Variants in DOCK4 observed in about 807,000 individuals in gnomAD.
DOCK4 encodes the protein dedicator of cytokinesis protein 4.
In DOCK4, 97 loss-of-function variants were observed where a neutral mutation model predicts 268.1. The ratio of observed to expected loss-of-function variants is 0.36; its 90% CI spans 0.31 to 0.43. The LOEUF is 0.43. Ranked by LOEUF, DOCK4 falls within the 20% of genes least tolerant of loss-of-function variation. The probability of loss-of-function intolerance (pLI) is 1.00; values close to 1 mark genes in which losing one functional copy is unlikely to be tolerated. For missense variants in DOCK4, 2,145 were observed against 2,455.7 expected (o/e 0.87, Z 2.67); for synonymous variants, 954 against 887.2 (o/e 1.08, Z -1.34).
intron 1 of DOCK4, among the ~76,000 whole-genome samples, chr7:112,029,030 T>G (rs976637862): frequency 6.6e-6 from 1 of 152,256 alleles, no homozygotes; most frequent in Non-Finnish European, 1.5e-5. Context: ...GGTACAATTT[T>G]GAGTTTTTCT....
At chr7:112,194,837 A>G (rs1328346451) in intron 1 of DOCK4, among the ~76,000 whole-genome samples, 2 of 152,236 alleles carry the variant, frequency 1.3e-5, no homozygotes, top group Admixed American at 1.3e-4. Flanking sequence ...ACTCATTACA[A>G]TAATTTCTAC....
At chr7:112,141,336 C>A (rs562222327) in intron 1 of DOCK4, among the ~76,000 whole-genome samples, 1 of 152,310 alleles carries the variant, frequency 6.6e-6, no homozygotes, top group South Asian at 2.1e-4. Flanking sequence ...TATGTGTCAG[C>A]TTGGATAGAC....
chr7:112,103,814 G>A (rs1330595865), intron 1 of DOCK4, among the ~76,000 whole-genome samples: 1 of 152,124 alleles, frequency 6.6e-6, no homozygotes, highest in Non-Finnish European at 1.5e-5. Context: ...CCTGGGAGGC[G>A]AAGGTTGCAG....
At chr7:112,001,638 G>T (rs921371575) in intron 2 of DOCK4, among the ~76,000 whole-genome samples, 1 of 152,194 alleles carries the variant, frequency 6.6e-6, no homozygotes, top group Admixed American at 6.6e-5. Flanking sequence ...ATATGCTGAG[G>T]TTGCTAAAAT....
intron 12 of DOCK4, 147 bp from the exon 13 acceptor site, chr7:111,916,051 A>G: frequency 1.2e-6 from 1 of 838,980 alleles, no homozygotes. Flanking sequence ...ATCTATATGA[A>G]TCATATCTGA....
At chr7:111,999,964 T>C (rs1171731763) in intron 3 of DOCK4, among the ~76,000 whole-genome samples, 3 of 152,078 alleles carry the variant, frequency 2.0e-5, no homozygotes, top group African/African-American at 4.8e-5. Flanking sequence ...TGAGGATTTA[T>C]AGAAATGTAT....
chr7:111,813,492 T>C (rs1017119553), intron 27 of DOCK4, among the ~76,000 whole-genome samples: 16 of 152,116 alleles, frequency 1.1e-4, no homozygotes, highest in African/African-American at 3.9e-4. Context: ...AAGTTCAAGG[T>C]AATGAAAAGG....
intron 12 of DOCK4, among the ~76,000 whole-genome samples, chr7:111,930,094 A>C (rs954742209): frequency 6.6e-6 from 1 of 152,234 alleles, no homozygotes; most frequent in Non-Finnish European, 1.5e-5. Context: ...CACATTAATG[A>C]ATACTTTTAG....
At chr7:112,026,703 T>A (rs936492050) in intron 1 of DOCK4, among the ~76,000 whole-genome samples, 1 of 152,250 alleles carries the variant, frequency 6.6e-6, no homozygotes, top group Non-Finnish European at 1.5e-5. Context: ...CTACTGTTTA[T>A]GCCTGCTTTT....
intron 16 of DOCK4, among the ~76,000 whole-genome samples, chr7:111,887,260 T>C (rs1165286084): frequency 6.6e-6 from 1 of 152,158 alleles, no homozygotes; most frequent in African/African-American, 2.4e-5. Context: ...ATATGCTGAG[T>C]GTGCAGTGTC....
chr7:112,184,198 T>C (rs920092573), intron 1 of DOCK4, among the ~76,000 whole-genome samples: 3 of 152,166 alleles, frequency 2.0e-5, no homozygotes, highest in African/African-American at 7.2e-5. Flanking sequence ...CTGAAAACCT[T>C]CCACACTCCA....
chr7:112,078,691 C>A (rs574821591), intron 1 of DOCK4, among the ~76,000 whole-genome samples: 1 of 152,072 alleles, frequency 6.6e-6, no homozygotes, highest in Non-Finnish European at 1.5e-5. Context: ...CTCAAGCCAA[C>A]TGGGAAGAAA....
chr7:112,165,523 CGT>C (rs112020512), intron 1 of DOCK4, among the ~76,000 whole-genome samples: 1,300 of 126,536 alleles, frequency 0.01, 5 homozygotes, highest in Non-Finnish European at 0.012. Flanking sequence ...GAATAGTATA[CGT>C]GTGTGTGTGT....
chr7:112,002,824 T>C (rs1224508422), intron 2 of DOCK4, among the ~76,000 whole-genome samples: 1 of 151,858 alleles, frequency 6.6e-6, no homozygotes, highest in East Asian at 1.9e-4. Context: ...CCAAGGTGGG[T>C]GGATCACCTG....
intron 1 of DOCK4, among the ~76,000 whole-genome samples, chr7:112,041,182 G>A: frequency 6.6e-6 from 1 of 152,142 alleles, no homozygotes; most frequent in East Asian, 1.9e-4. Flanking sequence ...ATTGTGACAG[G>A]AAGGTCACAG....
chr7:111,900,800 G>GA (rs1308493425), intron 14 of DOCK4, among the ~76,000 whole-genome samples: 3 of 152,310 alleles, frequency 2.0e-5, no homozygotes, highest in Admixed American at 1.3e-4. Flanking sequence ...GGCCCACTTG[G>GA]AGTTCAACTA....
At chr7:111,889,138 C>G (rs1295066562) in intron 16 of DOCK4, among the ~76,000 whole-genome samples, 1 of 152,110 alleles carries the variant, frequency 6.6e-6, no homozygotes, top group Non-Finnish European at 1.5e-5. Flanking sequence ...GTTTTCCCCC[C>G]ACTGTTCAGC....
chr7:112,105,515 C>T (rs538269846), intron 1 of DOCK4, among the ~76,000 whole-genome samples: 16 of 150,806 alleles, frequency 1.1e-4, no homozygotes, highest in South Asian at 8.3e-4. Flanking sequence ...GGATAAACTA[C>T]GTTTCAAATG....
At chr7:112,028,351 T>C (rs1311881963) in intron 1 of DOCK4, among the ~76,000 whole-genome samples, 1 of 152,188 alleles carries the variant, frequency 6.6e-6, no homozygotes, top group East Asian at 1.9e-4. Context: ...ACTCTGAGAA[T>C]ACATATTCTT....
Sources: allele counts gnomAD v4.1 joint callset (sites outside exome capture counted in the v4.1 genomes callset), GRCh38; gene constraint gnomAD v4.1.1; transcripts MANE v1.5; gene names NCBI Gene and HGNC (gene_info 2026-07-23, HGNC 2026-07-21).